The following PDE4D variants were observed in gnomAD, a reference collection of about 807,000 sequenced individuals.
PDE4D encodes 3',5'-cyclic-AMP phosphodiesterase 4D.
A neutral mutation model predicts 87.4 loss-of-function variants in PDE4D; 24 were observed. The observed-to-expected ratio is 0.27, with a 90% confidence interval of 0.20 to 0.39. PDE4D has a LOEUF of 0.39. Ranked by LOEUF, PDE4D falls within the 10% of genes least tolerant of loss-of-function variation. The pLI is 1.00. For missense variants in PDE4D, 714 were observed against 1,041.0 expected (o/e 0.69, Z 4.32); for synonymous variants, 384 against 383.2 (o/e 1.00, Z -0.02).
intron 2 of PDE4D, among the ~76,000 whole-genome samples, chr5:60,103,565 G>T (rs1776486237): frequency 6.6e-6 from 1 of 152,148 alleles, no homozygotes; most frequent in African/African-American, 2.4e-5. Flanking sequence ...ATATAACTAT[G>T]AATACATGTA....
Position 59,065,067 on chromosome 5 carries a change from T to TAC in PDE4D, c.809-26098_809-26097dup, listed in dbSNP as rs10563874. On this transcript the variant is annotated intron_variant, in intron 5 of 14. Transcript: ENST00000340635. ...GGACAAAGGAAATGTGATATATATA[T>TAC]ACACACACACACACACACACACACA... is the stretch of plus-strand genomic sequence containing the variant. Among the ~76,000 whole-genome samples, 136 of 89,306 alleles carry TAC rather than the reference T, an allele frequency of 1.5e-3. 1 individual carries two copies. The highest frequency in any genetic ancestry group is 8.2e-3 in the East Asian group (17 of 2,080). The allele number at this position is 89,306 out of a possible 152,430, so 58.6% of individuals were successfully genotyped here. A position where few individuals can be genotyped will look rare whatever the true frequency, so the allele number is the denominator to read the frequency against.
chr5:59,118,777 G>A (rs72762610), intron 5 of PDE4D, among the ~76,000 whole-genome samples: 14,318 of 152,154 alleles, frequency 0.094, 718 homozygotes, highest in Non-Finnish European at 0.1. Flanking sequence ...AATGGCAGAC[G>A]CACCACAATT....
At chr5:60,117,733 A>C (rs549805303) in intron 2 of PDE4D, among the ~76,000 whole-genome samples, 1 of 151,980 alleles carries the variant, frequency 6.6e-6, no homozygotes, top group Non-Finnish European at 1.5e-5. Context: ...CATGAAGAGA[A>C]GACCTCTGGC....
At chr5:59,437,593 A>T (rs1343088541) in intron 1 of PDE4D, among the ~76,000 whole-genome samples, 1 of 152,198 alleles carries the variant, frequency 6.6e-6, no homozygotes, top group South Asian at 2.1e-4. Flanking sequence ...TGGTTGCCAG[A>T]TGACTTTTTT....
chr5:59,554,756 G>A (rs1005972705), intron 1 of PDE4D, among the ~76,000 whole-genome samples: 1 of 152,120 alleles, frequency 6.6e-6, no homozygotes, highest in Non-Finnish European at 1.5e-5. Flanking sequence ...TTTACCAAGA[G>A]AGGTCAGTCA....
At chr5:60,238,337 G>A (rs1746664855) in intron 1 of PDE4D, among the ~76,000 whole-genome samples, 1 of 151,752 alleles carries the variant, frequency 6.6e-6, no homozygotes. Context: ...TTATTTTTGA[G>A]TATCATGCTA....
At chr5:60,060,160 C>A (rs1771234484) in intron 2 of PDE4D, among the ~76,000 whole-genome samples, 1 of 152,042 alleles carries the variant, frequency 6.6e-6, no homozygotes, top group African/African-American at 2.4e-5. Flanking sequence ...TGATTTCCAT[C>A]ACAAAGTTCT....
intron 2 of PDE4D, among the ~76,000 whole-genome samples, chr5:60,102,938 T>C (rs1397662718): frequency 6.6e-6 from 1 of 151,922 alleles, no homozygotes; most frequent in East Asian, 1.9e-4. Context: ...TTTAGTTTCT[T>C]TTCTACTTGC....
intron 1 of PDE4D, among the ~76,000 whole-genome samples, chr5:60,514,838 A>G (rs974987392): frequency 6.6e-6 from 1 of 152,130 alleles, no homozygotes; most frequent in Non-Finnish European, 1.5e-5. Context: ...TCTCAGCCAA[A>G]GCAATAAAGC....
intron 1 of PDE4D, among the ~76,000 whole-genome samples, chr5:59,737,388 G>A (rs1312628946): frequency 6.6e-6 from 1 of 151,948 alleles, no homozygotes; most frequent in Non-Finnish European, 1.5e-5. Context: ...TATTGGACAG[G>A]CCCCTGAAAT....
At chr5:60,276,987 C>T (rs935563235) in intron 1 of PDE4D, among the ~76,000 whole-genome samples, 4 of 151,796 alleles carry the variant, frequency 2.6e-5, no homozygotes, top group Non-Finnish European at 5.9e-5. Context: ...ATTTTTTATT[C>T]CATAATGCCA....
At chr5:60,268,723 A>C (rs890391575) in intron 1 of PDE4D, among the ~76,000 whole-genome samples, 2 of 152,188 alleles carry the variant, frequency 1.3e-5, no homozygotes, top group African/African-American at 4.8e-5. Flanking sequence ...AATCCTACTG[A>C]AGTTCTATGC....
chr5:60,035,476 T>C (rs1767693783), intron 2 of PDE4D, among the ~76,000 whole-genome samples: 1 of 152,156 alleles, frequency 6.6e-6, no homozygotes, highest in South Asian at 2.1e-4. Flanking sequence ...GGCGAGTCAC[T>C]CTGAGAACCA....
chr5:59,110,913 G>C (rs1446422047), intron 5 of PDE4D, among the ~76,000 whole-genome samples: 5 of 152,102 alleles, frequency 3.3e-5, no homozygotes, highest in Non-Finnish European at 7.4e-5. Flanking sequence ...GAAGCACAAG[G>C]TCTCACAGCT....
intron 1 of PDE4D, among the ~76,000 whole-genome samples, chr5:60,510,792 G>A (rs1182977478): frequency 6.6e-6 from 1 of 152,166 alleles, no homozygotes; most frequent in Non-Finnish European, 1.5e-5. Context: ...GACAATAAAT[G>A]GGAGTTAAGT....
At chr5:59,015,344 G>A (rs1251858996) in intron 6 of PDE4D, among the ~76,000 whole-genome samples, 2 of 151,940 alleles carry the variant, frequency 1.3e-5, no homozygotes, top group African/African-American at 4.8e-5. Flanking sequence ...GCAACCTACA[G>A]AATGGGAGAA....
chr5:59,730,497 G>A (rs1757222674), intron 1 of PDE4D, among the ~76,000 whole-genome samples: 1 of 152,136 alleles, frequency 6.6e-6, no homozygotes, highest in Non-Finnish European at 1.5e-5. Flanking sequence ...GCACGGAATA[G>A]TGGAGAGTAG....
At chr5:59,373,059 A>G (rs1343114598) in intron 1 of PDE4D, among the ~76,000 whole-genome samples, 1 of 152,184 alleles carries the variant, frequency 6.6e-6, no homozygotes, top group Non-Finnish European at 1.5e-5. Context: ...TTAAAGGTAG[A>G]AAAGTCCACA....
intron 1 of PDE4D, among the ~76,000 whole-genome samples, chr5:60,409,714 A>C (rs984652350): frequency 3.3e-5 from 5 of 152,260 alleles, no homozygotes; most frequent in Non-Finnish European, 7.3e-5. Context: ...GCCATTTGCC[A>C]AGTCTTACTG....
Sources: allele counts gnomAD v4.1 joint callset (sites outside exome capture counted in the v4.1 genomes callset), GRCh38; gene constraint gnomAD v4.1.1; transcripts MANE v1.5; gene names NCBI Gene and HGNC (gene_info 2026-07-23, HGNC 2026-07-21).